DYNC2H1: variants seen among roughly 807,000 people sequenced by gnomAD.
DYNC2H1 encodes dynein cytoplasmic 2 heavy chain 1.
A neutral mutation model predicts 570.0 loss-of-function variants in DYNC2H1; 410 were observed. That is an observed-to-expected ratio of 0.72 (90% confidence interval 0.66 to 0.78). The LOEUF is 0.78. DYNC2H1 is among the 30% of genes least tolerant of loss of function. The pLI, the probability that DYNC2H1 is intolerant of heterozygous loss-of-function variation, is 0.00. For missense variants in DYNC2H1, 4,865 were observed against 5,046.4 expected, an observed-to-expected ratio of 0.96 and a Z score of 1.09; for synonymous variants, 1,688 against 1,677.6, an observed-to-expected ratio of 1.01 and a Z score of -0.15.
At chr11:103,348,490 T>C (rs757082164) in intron 82 of DYNC2H1, among the ~76,000 whole-genome samples, 1 of 152,142 alleles carries the variant, frequency 6.6e-6, no homozygotes, top group Non-Finnish European at 1.5e-5. Context: ...CTGATTTCTT[T>C]TTTATCAGTA....
chr11:103,168,590 G>A (rs1443315618), intron 31 of DYNC2H1, among the ~76,000 whole-genome samples, 165 bp from the exon 32 acceptor site: 1 of 152,048 alleles, frequency 6.6e-6, no homozygotes, highest in African/African-American at 2.4e-5. Flanking sequence ...CTTACTGGTA[G>A]ATTTGACTTT....
At chr11:103,126,108 A>G (rs1191119608) in intron 12 of DYNC2H1, among the ~76,000 whole-genome samples, 1 of 152,076 alleles carries the variant, frequency 6.6e-6, no homozygotes, top group Non-Finnish European at 1.5e-5. Flanking sequence ...AGTATCTTGT[A>G]TATTTGGTCT....
rs372920184 is a variant in DYNC2H1 at position 103,154,623 on chromosome 11, A to G, written c.3458+17A>G. ...CACTTTTCGGTTTGATTCAAAAACAATATTTAGACTAATAATTTGGTTGTT... is the reference window on the plus strand; with the variant it reads ...CACTTTTCGGTTTGATTCAAAAACAGTATTTAGACTAATAATTTGGTTGTT... On this transcript the variant is annotated intron_variant, in intron 23 of 88. Coordinates refer to ENST00000375735, the MANE Select transcript of DYNC2H1 (RefSeq NM_001377.3). 27 of 1,581,452 alleles carry G rather than the reference A, an allele frequency of 1.7e-5. No individual in the cohort carries two copies. Among genetic ancestry groups the G allele is most frequent in the Non-Finnish European group, 2.1e-5 (25 of 1,166,476 alleles).
chr11:103,216,845 G>C (rs1863405623), intron 55 of DYNC2H1, among the ~76,000 whole-genome samples: 1 of 151,914 alleles, frequency 6.6e-6, no homozygotes, highest in Non-Finnish European at 1.5e-5. Flanking sequence ...AGTCTCTCGG[G>C]CATTACAATT....
intron 82 of DYNC2H1, among the ~76,000 whole-genome samples, chr11:103,357,691 G>A (rs1940414241): frequency 6.6e-6 from 1 of 152,174 alleles, no homozygotes; most frequent in Admixed American, 6.5e-5. Flanking sequence ...GGTGGCTCAC[G>A]CCTATAATCC....
chr11:103,466,384 A>G (rs577459963), intron 87 of DYNC2H1, among the ~76,000 whole-genome samples: 2 of 152,198 alleles, frequency 1.3e-5, no homozygotes, highest in Non-Finnish European at 2.9e-5. Context: ...TTTAGACACA[A>G]AAGAAGTAAA....
chr11:103,375,569 C>T (rs1260453879), intron 83 of DYNC2H1, among the ~76,000 whole-genome samples: 1 of 152,214 alleles, frequency 6.6e-6, no homozygotes, highest in Non-Finnish European at 1.5e-5. Flanking sequence ...GAGCCTGTCT[C>T]TTGCATCAGC....
At position 103,192,150 on chromosome 11, in the gene DYNC2H1, C is replaced by A. The variant is rs1350329646; in HGVS notation, c.7594C>A (p.Arg2532=). 1 of 1,564,552 alleles carries A rather than the reference C, an allele frequency of 6.4e-7. No individual in the cohort carries two copies. The highest frequency in any genetic ancestry group is 1.2e-5 in the South Asian group (1 of 83,488). The change falls in exon 47 of 89, where the codon CGG becomes AGG. Residue 2532 remains arginine (R), a synonymous_variant. Transcript: ENST00000375735. The part of the protein sequence containing the change: ...YVLEIVAYEA[R]RLFRDKIVGA... ...GTTAGAAATTGTAGCATATGAGGCA[C>A]GGCGCTTATTTCGTGACAAAATTGT...
rs1864882094 is a variant in DYNC2H1, at chr11:103,252,677, C to T, written c.10043-608C>T. Among the ~76,000 whole-genome samples, 1 of 152,050 alleles carries T rather than the reference C, an allele frequency of 6.6e-6. No homozygotes were observed. Among genetic ancestry groups the T allele is most frequent in the Non-Finnish European group, 1.5e-5 (1 of 67,992 alleles). ...AATGTCTATTCAGGTCCTTTGCCTG[C>T]TTTTTAATCAGGTTATTTATCTTTC... On this transcript the variant is annotated intron_variant, in intron 65 of 88. Coordinates refer to ENST00000375735, the MANE Select transcript of DYNC2H1 (RefSeq NM_001377.3). This position sits in a 1 kb window ranked among gnomAD's most constrained non-coding sequence, Gnocchi z 4.6.
chr11:103,169,745 G>A (rs543907380), intron 32 of DYNC2H1, among the ~76,000 whole-genome samples: 23 of 152,230 alleles, frequency 1.5e-4, no homozygotes, highest in Admixed American at 9.8e-4. Context: ...GATATCATAA[G>A]AGTCAAGGAA....
chr11:103,286,216 G>C (rs1226091404), intron 73 of DYNC2H1, 39 bp from the exon 74 acceptor site: 5 of 1,600,660 alleles, frequency 3.1e-6, no homozygotes, highest in Non-Finnish European at 4.3e-6. Context: ...GCTTATATTT[G>C]CTTATAGCTC....
chr11:103,276,176 G>C (rs1376182412), intron 70 of DYNC2H1, among the ~76,000 whole-genome samples: 1 of 146,940 alleles, frequency 6.8e-6, no homozygotes, highest in Non-Finnish European at 1.5e-5. Context: ...TCAAGAAATA[G>C]TTATTGAGTA....
chr11:103,222,370 A>C (rs894126349), intron 58 of DYNC2H1, among the ~76,000 whole-genome samples: 9 of 152,136 alleles, frequency 5.9e-5, no homozygotes, highest in Admixed American at 5.9e-4. Context: ...AGTGGTTTTA[A>C]TAGTTTTGTA....
chr11:103,155,290 T>C, intron 24 of DYNC2H1, 41 bp from the exon 25 acceptor site: 4 of 1,529,218 alleles, frequency 2.6e-6, no homozygotes, highest in Non-Finnish European at 3.5e-6. Context: ...TATATGTATA[T>C]GTGTATACAT....
chr11:103,293,638 T>C (rs761790425), intron 75 of DYNC2H1, among the ~76,000 whole-genome samples: 1 of 152,104 alleles, frequency 6.6e-6, no homozygotes, highest in Non-Finnish European at 1.5e-5. Flanking sequence ...CTCTATATTT[T>C]CATGTTTTCA....
chr11:103,192,326 A>T, intron 47 of DYNC2H1, 62 bp downstream of exon 47: 1 of 1,271,426 alleles, frequency 7.9e-7, no homozygotes, highest in Non-Finnish European at 1.0e-6. Context: ...ATTTTTTCTT[A>T]CCCAGAGCAT....
intron 19 of DYNC2H1, 83 bp from the exon 20 acceptor site, chr11:103,148,407 C>T: frequency 1.4e-6 from 2 of 1,396,808 alleles, no homozygotes; most frequent in Non-Finnish European, 1.9e-6. Flanking sequence ...TTACTTCTAC[C>T]ACCCCTTGAT....
At chr11:103,246,179 C>T (rs1384923336) in intron 65 of DYNC2H1, among the ~76,000 whole-genome samples, 1 of 151,974 alleles carries the variant, frequency 6.6e-6, no homozygotes, top group Non-Finnish European at 1.5e-5. Context: ...AATATCTAAG[C>T]TACTGTATAA....
intron 50 of DYNC2H1, among the ~76,000 whole-genome samples, chr11:103,200,457 A>G (rs956596345): frequency 2.0e-5 from 3 of 152,196 alleles, no homozygotes; most frequent in Non-Finnish European, 2.9e-5. Flanking sequence ...ATTATCATCT[A>G]GGACTTATTA....
Sources: allele counts gnomAD v4.1 joint callset (sites outside exome capture counted in the v4.1 genomes callset), GRCh38; gene constraint gnomAD v4.1.1; non-coding constraint Gnocchi (gnomAD v3.1); transcripts MANE v1.5; gene names NCBI Gene and HGNC (gene_info 2026-07-23, HGNC 2026-07-21).